The following ID4 variants were observed in gnomAD, a reference collection of about 807,000 sequenced individuals.
ID4 encodes the protein inhibitor of DNA binding 4.
Under a neutral mutation model 8.6 loss-of-function variants are expected in ID4, and 9 were observed. The observed-to-expected ratio is 1.04, with a 90% confidence interval of 0.63 to 1.82. The LOEUF (loss-of-function observed/expected upper bound fraction) is 1.82. Ranked by LOEUF, ID4 falls within the 40% of genes most tolerant of loss-of-function variation. The pLI is 0.00. For synonymous variants in ID4, 180 were observed against 118.0 expected, an observed-to-expected ratio of 1.53 and a Z score of -3.41; for missense variants, 270 against 235.1, an observed-to-expected ratio of 1.15 and a Z score of -0.97.
In ID4 at chr6:19,840,228, T is replaced by G. The variant is rs1351151586; in HGVS notation, c.*1033T>G. On this transcript the variant is annotated 3_prime_UTR_variant, in exon 3 of 3. Transcript: ENST00000378700. ...ATTCTGAATGATTTTGCATATGGGA[T>G]GAGGAAATGCTTGGATCCTTAAGGA... The G allele has an allele frequency of 6.6e-6, 1 of 152,574 alleles. No individual in the cohort carries two copies. Among genetic ancestry groups the G allele is most frequent in the African/African-American group, 2.4e-5 (1 of 41,438 alleles). The allele number at this position is 152,574 out of a possible 1,614,324, so 9.5% of individuals were successfully genotyped here. A position where few individuals can be genotyped will look rare whatever the true frequency, so the allele number is the denominator to read the frequency against.
rs1481577799 is a variant in ID4 at position 19,838,412 on chromosome 6, G to A, written c.442-172G>A. ...AACGCGCAGGGCGGGACTCGGGGCT[G>A]TGGGCGCCCTGGGCTGTCAAGTCCC... On this transcript the variant is annotated intron_variant, in intron 1 of 2. Transcript: ENST00000378700. Among the ~76,000 whole-genome samples the A allele has an allele frequency of 4.6e-5, 7 of 152,278 alleles. No individual in the cohort carries two copies. The East Asian group carries it at 1.2e-3, about 25-fold the overall frequency.
Position 19,837,802 on chromosome 6 carries a change from G to C in ID4, c.48G>C (p.Ser16=). 1 of 1,131,074 alleles carries C rather than the reference G, an allele frequency of 8.8e-7. No individual in the cohort carries two copies. The highest frequency in any genetic ancestry group is 1.1e-6 in the Non-Finnish European group (1 of 924,414). The allele number at this position is 1,131,074 out of a possible 1,614,324, so 70.1% of individuals were successfully genotyped here. ...PVRPSGRKAP[S]GCGGGELALR... is the part of the protein sequence containing the mutation. ...GCCCCTCGGGCCGCAAGGCGCCGTC[G>C]GGCTGCGGCGGCGGGGAGCTGGCGC... Residue 16 remains serine, a synonymous_variant, in exon 1 of 3, where the codon TCG becomes TCC. Transcript: ENST00000378700.
At position 19,837,633 on chromosome 6, in the gene ID4, C is replaced by T. The variant is rs1019193285; in HGVS notation, c.-122C>T. ...TGTTGGGCTCGGGAGTGTCGCGGTG[C>T]CCCGAGCGCGCCGGGCGCGGAGGCA... On this transcript the variant is annotated 5_prime_UTR_variant, in exon 1 of 3. Transcript: ENST00000378700. 6.1e-5 allele frequency: 36 copies of T among 585,378 alleles called. No individual in the cohort carries two copies. In the East Asian group the frequency reaches 2.0e-3, roughly 32 times the overall value. The allele number at this position is 585,378 out of a possible 1,614,324, so 36.3% of individuals were successfully genotyped here.
rs1761362281 is a variant in ID4, at chr6:19,841,726, G to T, written c.*2531G>T. Among the ~76,000 whole-genome samples the T allele has an allele frequency of 6.6e-6, 1 of 152,100 alleles. No individual in the cohort carries two copies. Among genetic ancestry groups the T allele is most frequent in the Non-Finnish European group, 1.5e-5 (1 of 68,018 alleles). ...TTGTTTATTTTTTAAAAAATTATATGCAGTTGTACAAGATACTACATTCCA... is the reference window on the plus strand; with the variant it reads ...TTGTTTATTTTTTAAAAAATTATATTCAGTTGTACAAGATACTACATTCCA... On this transcript the variant is annotated 3_prime_UTR_variant, in exon 3 of 3. Transcript: ENST00000378700.
rs550024481 is a variant in ID4, at chr6:19,837,693, G to T, written c.-62G>T. 9.4e-7 allele frequency: 1 copy of T among 1,058,460 alleles called. No homozygotes were observed. Among genetic ancestry groups the T allele is most frequent in the Non-Finnish European group, 1.1e-6 (1 of 872,360 alleles). 65.6% of individuals were successfully genotyped at this position (1,058,460 alleles called of 1,614,324 possible). A position where few individuals can be genotyped will look rare whatever the true frequency, so the allele number is the denominator to read the frequency against. On this transcript the variant is annotated 5_prime_UTR_variant, in exon 1 of 3. Coordinates refer to ENST00000378700, the MANE Select transcript of ID4 (RefSeq NM_001546.4). The stretch of plus-strand genomic sequence containing the variant: ...GAGCCGGCCGCGGACGGGGCCCGGA[G>T]CTTGCCTGCCTCCCTCGCTCGCCCC...
intron 2 of ID4, chr6:19,838,863 T>G: frequency 1.8e-6 from 1 of 553,180 alleles, no homozygotes; most frequent in Non-Finnish European, 3.2e-6. Context: ...TCAGCCCTTG[T>G]CCCCGCCGTC....
At chr6:19,838,464 C>CT in intron 1 of ID4, 120 bp from the exon 2 acceptor site, 2 of 1,379,114 alleles carry the variant, frequency 1.5e-6, no homozygotes, top group Non-Finnish European at 2.0e-6. Flanking sequence ...GCCCCCCCGG[C>CT]TACAGGCTGG....
At position 19,838,563 on chromosome 6, in the gene ID4, GGT is replaced by G. The variant is rs1561853527; in HGVS notation, c.442-18_442-17del. ...GTTTGCGCCTGCTAACCTTTCCCTTGGTGTTCGGTTGCTGTTCCAGGCCGGCG... is the reference window on the plus strand; with the variant it reads ...GTTTGCGCCTGCTAACCTTTCCCTTGGTTCGGTTGCTGTTCCAGGCCGGCG... On this transcript the variant is annotated intron_variant, in intron 1 of 2. Transcript: ENST00000378700. The G allele has an allele frequency of 6.2e-7, 1 of 1,613,952 alleles. No individual in the cohort carries two copies. The highest frequency in any genetic ancestry group is 2.2e-5 in the East Asian group (1 of 44,834).
intron 1 of ID4, 31 bp downstream of exon 1, chr6:19,838,226 C>T: frequency 1.5e-6 from 2 of 1,328,222 alleles, no homozygotes; most frequent in Non-Finnish European, 1.9e-6. Flanking sequence ...CGTGGGCGGA[C>T]GCCGCGGGGG....
chr6:19,838,194 C>G lies in ID4; in HGVS notation c.440C>G (p.Pro147Arg), dbSNP rs778404290. ...CCGCTCACTGCGCTCAACACCGACC[C>G]GGTGAGAGGCCGGGCGCCGGCCGTG... ...RTPLTALNTD[P>R]AGAVNKQGDS... Residue 147 changes from proline to arginine, a missense_variant and splice_region_variant, in exon 1 of 3, where the codon CCG (proline) becomes CGG (arginine). Coordinates refer to ENST00000378700, the MANE Select transcript of ID4 (RefSeq NM_001546.4). The G allele has an allele frequency of 4.4e-6, 6 of 1,374,658 alleles. No homozygotes were observed. Among genetic ancestry groups the G allele is most frequent in the South Asian group, 1.8e-5 (1 of 55,954 alleles). 85.2% of individuals were successfully genotyped at this position (1,374,658 alleles called of 1,614,324 possible). A position where few individuals can be genotyped will look rare whatever the true frequency, so the allele number is the denominator to read the frequency against.
chr6:19,837,829 G>C lies in ID4; in HGVS notation c.75G>C (p.Leu25=). The C allele has an allele frequency of 8.7e-7, 1 of 1,154,012 alleles. No homozygotes were observed. Among genetic ancestry groups the C allele is most frequent in the Non-Finnish European group, 1.1e-6 (1 of 938,278 alleles). 71.5% of individuals were successfully genotyped at this position (1,154,012 alleles called of 1,614,324 possible). ...GCTGCGGCGGCGGGGAGCTGGCGCT[G>C]CGCTGCCTGGCCGAGCACGGCCACA... ...PSGCGGGELA[L]RCLAEHGHSL... Residue 25 remains leucine (L), a synonymous_variant, in exon 1 of 3, where the codon CTG becomes CTC. Transcript: ENST00000378700.
In ID4 at chr6:19,842,137, C is replaced by T. The variant is rs541450942; in HGVS notation, c.*2942C>T. Among the ~76,000 whole-genome samples, 6 of 152,278 alleles carry T rather than the reference C, an allele frequency of 3.9e-5. No homozygotes were observed. In the South Asian group the frequency reaches 6.2e-4, roughly 16 times the overall value. Reference sequence around the variant, plus strand: ...GCCTTTTTAGAACTTTTTAAAATTTCGAGCCCACAAATCTATTGTATTAGT... The same window carrying T: ...GCCTTTTTAGAACTTTTTAAAATTTTGAGCCCACAAATCTATTGTATTAGT... On this transcript the variant is annotated 3_prime_UTR_variant, in exon 3 of 3. Coordinates refer to ENST00000378700, the MANE Select transcript of ID4 (RefSeq NM_001546.4).
rs771718122 is a variant in ID4, at chr6:19,838,571, G to A, written c.442-13G>A. 18 of 1,613,880 alleles carry A rather than the reference G, an allele frequency of 1.1e-5. No homozygotes were observed. The highest frequency in any genetic ancestry group is 1.4e-5 in the Non-Finnish European group (16 of 1,179,900). On this transcript the variant is annotated splice_polypyrimidine_tract_variant and intron_variant, in intron 1 of 2. Coordinates refer to ENST00000378700, the MANE Select transcript of ID4 (RefSeq NM_001546.4). ...CTGCTAACCTTTCCCTTGGTGTTCGGTTGCTGTTCCAGGCCGGCGCGGTGA... is the reference window on the plus strand; with the variant it reads ...CTGCTAACCTTTCCCTTGGTGTTCGATTGCTGTTCCAGGCCGGCGCGGTGA...
chr6:19,838,528 C>A, intron 1 of ID4, 56 bp from the exon 2 acceptor site: 1 of 1,609,922 alleles, frequency 6.2e-7, no homozygotes, highest in African/African-American at 1.3e-5. Flanking sequence ...AGGACCGTGT[C>A]GAGCGCGTTG....
intron 1 of ID4, 154 bp from the exon 2 acceptor site, chr6:19,838,430 C>T (rs1395366636): frequency 5.2e-6 from 3 of 575,560 alleles, no homozygotes; most frequent in African/African-American, 4.1e-5. Flanking sequence ...CCTGGGCTGT[C>T]AAGTCCCGCC....
At position 19,837,972 on chromosome 6, in the gene ID4, G is replaced by T. The variant is rs141801413; in HGVS notation, c.218G>T (p.Ser73Ile). 2.3e-5 allele frequency: 36 copies of T among 1,585,212 alleles called. No individual in the cohort carries two copies. Among genetic ancestry groups the T allele is most frequent in the African/African-American group, 1.5e-4 (11 of 73,436 alleles). Residue 73 changes from serine to isoleucine, a missense_variant, in exon 1 of 3, where the codon AGC becomes ATC. By Grantham distance (142) the Ser-to-Ile change is moderately radical. Transcript: ENST00000378700. ...CAGTGCGATATGAACGACTGCTATAGCCGCCTGCGGAGGCTGGTGCCCACC... is the reference window on the plus strand; with the variant it reads ...CAGTGCGATATGAACGACTGCTATATCCGCCTGCGGAGGCTGGTGCCCACC... ...CLQCDMNDCY[S>I]RLRRLVPTIP... is the part of the protein sequence containing the mutation.
In ID4 at chr6:19,839,524, CAA is replaced by C. The variant is rs1008928321; in HGVS notation, c.*330_*331del. 2.0e-5 allele frequency: 3 copies of C among 152,520 alleles called. No individual in the cohort carries two copies. Among genetic ancestry groups the C allele is most frequent in the Non-Finnish European group, 4.4e-5 (3 of 68,032 alleles). The allele number at this position is 152,520 out of a possible 1,614,324, so 9.4% of individuals were successfully genotyped here. ...GTGACAGGACTGATAAATAGAAGATCAAGAGTAGATCCGACTTTAGAAGCCTA... is the reference window on the plus strand; with the variant it reads ...GTGACAGGACTGATAAATAGAAGATCGAGTAGATCCGACTTTAGAAGCCTA... On this transcript the variant is annotated 3_prime_UTR_variant, in exon 3 of 3. Coordinates refer to ENST00000378700, the MANE Select transcript of ID4 (RefSeq NM_001546.4).
chr6:19,838,107 C>T lies in ID4; in HGVS notation c.353C>T (p.Pro118Leu). 6.3e-7 allele frequency: 1 copy of T among 1,592,088 alleles called. No individual in the cohort carries two copies. Residue 118 changes from proline (P) to leucine (L), a missense_variant, in exon 1 of 3, where the codon CCA becomes CTA. Pro to Leu is a moderately conservative substitution (Grantham distance 98). Transcript: ENST00000378700. ...ACGCACCCGGCCCTGCTGAGGCAGCCACCACCGCCCGCGCCGCCACACCAC... is the reference window on the plus strand; with the variant it reads ...ACGCACCCGGCCCTGCTGAGGCAGCTACCACCGCCCGCGCCGCCACACCAC... ...LETHPALLRQ[P>L]PPPAPPHHPA...
rs887984183 is a variant in ID4, at chr6:19,841,347, C to T, written c.*2152C>T. Among the ~76,000 whole-genome samples, 1 of 152,152 alleles carries T rather than the reference C, an allele frequency of 6.6e-6. No homozygotes were observed. The highest frequency in any genetic ancestry group is 2.4e-5 in the African/African-American group (1 of 41,436). On this transcript the variant is annotated 3_prime_UTR_variant, in exon 3 of 3. Transcript: ENST00000378700. ...CAAATCTGAAGAATTCTAACGACTG[C>T]ATTCTTTGTTATTAAAAAGGGCACA...
Sources: allele counts gnomAD v4.1 joint callset (sites outside exome capture counted in the v4.1 genomes callset), GRCh38; gene constraint gnomAD v4.1.1; transcripts MANE v1.5; gene names NCBI Gene and HGNC (gene_info 2026-07-23, HGNC 2026-07-21).